The following ZNF609 variants were observed in gnomAD, a reference collection of about 807,000 sequenced individuals.
The protein encoded by ZNF609 is zinc finger protein 609.
A neutral mutation model predicts 109.5 loss-of-function variants in ZNF609; 11 were observed. That is an observed-to-expected ratio of 0.10 (90% CI 0.06 to 0.17). The LOEUF (loss-of-function observed/expected upper bound fraction) is 0.17, where lower values mean the gene tolerates loss of function less well. ZNF609 is among the 10% of genes least tolerant of loss of function. ZNF609 has a pLI of 1.00. For missense variants in ZNF609, 1,559 were observed against 1,772.4 expected, an observed-to-expected ratio of 0.88 and a Z score of 2.16; for synonymous variants, 646 against 662.0, an observed-to-expected ratio of 0.98 and a Z score of 0.37.
chr15:64,480,958 CAAAT>C (rs1367390091), intron 1 of ZNF609, among the ~76,000 whole-genome samples: 1 of 152,112 alleles, frequency 6.6e-6, no homozygotes, highest in Non-Finnish European at 1.5e-5. Context: ...ACATACAAAG[CAAAT>C]AAATAACCTG....
At chr15:64,526,387 C>G (rs1289878967) in intron 2 of ZNF609, among the ~76,000 whole-genome samples, 1 of 151,970 alleles carries the variant, frequency 6.6e-6, no homozygotes, top group Non-Finnish European at 1.5e-5. Flanking sequence ...ATCATGTTAT[C>G]TGCAAATTGA....
intron 2 of ZNF609, among the ~76,000 whole-genome samples, chr15:64,522,056 T>C (rs1457019248): frequency 6.6e-6 from 1 of 152,184 alleles, no homozygotes; most frequent in African/African-American, 2.4e-5. Context: ...AGAGAGAAGA[T>C]TGGGCAAAGC....
intron 3 of ZNF609, among the ~76,000 whole-genome samples, chr15:64,655,788 C>T (rs915269678): frequency 2.0e-5 from 3 of 152,050 alleles, no homozygotes; most frequent in South Asian, 2.1e-4. Context: ...GAGATCACGC[C>T]GTTGCACTCC....
intron 4 of ZNF609, among the ~76,000 whole-genome samples, chr15:64,671,818 T>C (rs192599435): frequency 1.0e-3 from 155 of 152,252 alleles, no homozygotes; most frequent in African/African-American, 3.7e-3. Flanking sequence ...TTAGGAAAAG[T>C]ATCTTAAACC....
chr15:64,601,036 G>A (rs1239815294), intron 2 of ZNF609, among the ~76,000 whole-genome samples: 1 of 152,140 alleles, frequency 6.6e-6, no homozygotes, highest in African/African-American at 2.4e-5. Context: ...GCAAATCTCT[G>A]AGTCCTCTGT....
At chr15:64,592,671 T>G (rs1183675102) in intron 2 of ZNF609, among the ~76,000 whole-genome samples, 1 of 151,662 alleles carries the variant, frequency 6.6e-6, no homozygotes, top group Non-Finnish European at 1.5e-5. Context: ...AATCCCAGCA[T>G]TCTGGGAGGC....
At chr15:64,526,438 C>G (rs2140368259) in intron 2 of ZNF609, among the ~76,000 whole-genome samples, 1 of 152,002 alleles carries the variant, frequency 6.6e-6, no homozygotes, top group South Asian at 2.1e-4. Context: ...TGTCTTTTTT[C>G]TTTATTTCTT....
At chr15:64,540,036 G>A (rs779921841) in intron 2 of ZNF609, among the ~76,000 whole-genome samples, 35 of 152,354 alleles carry the variant, frequency 2.3e-4, no homozygotes, top group Non-Finnish European at 4.9e-4. Context: ...ACCTCCCAAA[G>A]TGGTGGGATT....
intron 2 of ZNF609, among the ~76,000 whole-genome samples, chr15:64,519,932 A>G (rs562923968): frequency 7.2e-5 from 11 of 152,292 alleles, no homozygotes; most frequent in African/African-American, 1.2e-4. Flanking sequence ...TACACTGTAA[A>G]TGCACAGTAT....
intron 2 of ZNF609, among the ~76,000 whole-genome samples, chr15:64,575,984 C>T (rs1894945236): frequency 6.6e-6 from 1 of 152,078 alleles, no homozygotes; most frequent in Admixed American, 6.6e-5. Context: ...CACCTGTAGT[C>T]CCAGCTACTT....
At chr15:64,464,831 A>C (rs530478327) in intron 1 of ZNF609, among the ~76,000 whole-genome samples, 3 of 152,306 alleles carry the variant, frequency 2.0e-5, no homozygotes, top group Admixed American at 6.5e-5. Flanking sequence ...GTAGCTGAAG[A>C]GGGATTACTG....
At chr15:64,615,162 A>G (rs1489285343) in intron 2 of ZNF609, among the ~76,000 whole-genome samples, 1 of 151,356 alleles carries the variant, frequency 6.6e-6, no homozygotes, top group Admixed American at 6.6e-5. Flanking sequence ...ATCTCATTCT[A>G]TTGCCCAGGC....
At chr15:64,545,530 A>G (rs1894343961) in intron 2 of ZNF609, among the ~76,000 whole-genome samples, 1 of 152,192 alleles carries the variant, frequency 6.6e-6, no homozygotes, top group Admixed American at 6.5e-5. Context: ...ATCAAAGCAT[A>G]TATCTGTATA....
chr15:64,627,105 A>T (rs1406868907), intron 3 of ZNF609, among the ~76,000 whole-genome samples: 3 of 151,922 alleles, frequency 2.0e-5, no homozygotes, highest in African/African-American at 7.3e-5. Context: ...CAGGGGAATC[A>T]CTTGAACCCA....
chr15:64,480,030 A>G (rs556072176), intron 1 of ZNF609, among the ~76,000 whole-genome samples: 10 of 150,352 alleles, frequency 6.7e-5, no homozygotes, highest in Non-Finnish European at 1.5e-4. Flanking sequence ...TGAAGTCAGA[A>G]GCTCGAAACC....
At chr15:64,469,055 A>C (rs1893055419) in intron 1 of ZNF609, among the ~76,000 whole-genome samples, 1 of 135,882 alleles carries the variant, frequency 7.4e-6, no homozygotes, top group African/African-American at 2.6e-5. Context: ...AAAAAAAAAA[A>C]ACAACACAAT....
chr15:64,522,006 C>T (rs1168240077), intron 2 of ZNF609, among the ~76,000 whole-genome samples: 1 of 152,174 alleles, frequency 6.6e-6, no homozygotes, highest in African/African-American at 2.4e-5. Flanking sequence ...CCAACTAATG[C>T]TGAGGCATCT....
chr15:64,659,196 A>G (rs1432853023), intron 3 of ZNF609, among the ~76,000 whole-genome samples: 1 of 152,182 alleles, frequency 6.6e-6, no homozygotes, highest in Non-Finnish European at 1.5e-5. Flanking sequence ...AAGAGGTATA[A>G]AACGCGTTTT....
chr15:64,547,026 G>A (rs1235925985), intron 2 of ZNF609, among the ~76,000 whole-genome samples: 3 of 151,740 alleles, frequency 2.0e-5, no homozygotes, highest in Non-Finnish European at 4.4e-5. Context: ...TCCTGACCTC[G>A]TGATCCACCC....
Sources: allele counts gnomAD v4.1 joint callset (sites outside exome capture counted in the v4.1 genomes callset), GRCh38; gene constraint gnomAD v4.1.1; transcripts MANE v1.5; gene names NCBI Gene and HGNC (gene_info 2026-07-23, HGNC 2026-07-21).